FGGY: variants seen among roughly 807,000 people sequenced by gnomAD.
The protein encoded by FGGY is FGGY carbohydrate kinase domain-containing protein.
FGGY carries 72 observed loss-of-function variants against 71.3 expected under a neutral mutation model. The ratio of observed to expected loss-of-function variants is 1.01; its 90% CI spans 0.84 to 1.23. The LOEUF is 1.23. FGGY is among the 50% of genes most tolerant of loss of function. The pLI is 0.00. For missense variants in FGGY, 668 were observed against 682.3 expected, an observed-to-expected ratio of 0.98 and a Z score of 0.23; for synonymous variants, 251 against 250.3, an observed-to-expected ratio of 1.00 and a Z score of -0.02.
At chr1:59,613,941 A>G (rs915458920) in intron 9 of FGGY, among the ~76,000 whole-genome samples, 4 of 152,244 alleles carry the variant, frequency 2.6e-5, no homozygotes, top group African/African-American at 9.6e-5. Context: ...TCCCAAGACT[A>G]AACCAGGAAG....
intron 2 of FGGY, among the ~76,000 whole-genome samples, chr1:59,325,537 C>T (rs997737866): frequency 6.6e-6 from 1 of 152,150 alleles, no homozygotes; most frequent in Non-Finnish European, 1.5e-5. Flanking sequence ...AGATCACTTT[C>T]TACTCCTTAT....
chr1:59,436,351 G>A (rs895959159), intron 5 of FGGY, among the ~76,000 whole-genome samples: 12 of 151,408 alleles, frequency 7.9e-5, no homozygotes, highest in Admixed American at 1.3e-4. Flanking sequence ...TCCTCCCCCC[G>A]CAAACTTCTT....
intron 1 of FGGY, among the ~76,000 whole-genome samples, chr1:59,313,756 G>T (rs1266284484): frequency 6.6e-6 from 1 of 152,184 alleles, no homozygotes. Flanking sequence ...GCTAAGCTAT[G>T]AGGATGCAAA....
intron 6 of FGGY, among the ~76,000 whole-genome samples, chr1:59,463,425 C>T (rs1437157610): frequency 6.6e-6 from 1 of 152,142 alleles, no homozygotes; most frequent in African/African-American, 2.4e-5. Flanking sequence ...TTGTAAAGAC[C>T]ATCGATGCTA....
intron 9 of FGGY, among the ~76,000 whole-genome samples, chr1:59,625,634 A>C (rs1197713547): frequency 6.6e-6 from 1 of 152,104 alleles, no homozygotes; most frequent in African/African-American, 2.4e-5. Context: ...TGATCCAGAA[A>C]AGGTTGGTGC....
chr1:59,509,298 C>T (rs1303525958), intron 6 of FGGY, among the ~76,000 whole-genome samples: 1 of 152,152 alleles, frequency 6.6e-6, no homozygotes, highest in Non-Finnish European at 1.5e-5. Flanking sequence ...AGTGAAGATC[C>T]TTATATTCTC....
intron 5 of FGGY, among the ~76,000 whole-genome samples, chr1:59,428,148 G>A (rs562790038): frequency 6.6e-6 from 1 of 152,188 alleles, no homozygotes; most frequent in Non-Finnish European, 1.5e-5. Context: ...ATGATTCCAA[G>A]TGTCCTGCAA....
chr1:59,698,393 T>G (rs1369995815), intron 14 of FGGY, among the ~76,000 whole-genome samples: 2 of 147,526 alleles, frequency 1.4e-5, no homozygotes, highest in Non-Finnish European at 3.0e-5. Flanking sequence ...GGTCAGTACC[T>G]AGCATTATGC....
chr1:59,338,577 G>A (rs902875317), intron 2 of FGGY, among the ~76,000 whole-genome samples: 3 of 151,928 alleles, frequency 2.0e-5, no homozygotes, highest in Non-Finnish European at 4.4e-5. Context: ...CCAAAATGGT[G>A]GTTTTTGATA....
chr1:59,463,127 C>A (rs1288107991), intron 6 of FGGY, among the ~76,000 whole-genome samples: 1 of 150,720 alleles, frequency 6.6e-6, no homozygotes, highest in Admixed American at 6.6e-5. Flanking sequence ...ACTATGCAGC[C>A]TATACACCAT....
At chr1:59,618,460 A>G (rs754077668) in intron 9 of FGGY, among the ~76,000 whole-genome samples, 1 of 152,090 alleles carries the variant, frequency 6.6e-6, no homozygotes, top group Non-Finnish European at 1.5e-5. Context: ...GATCTTTCCA[A>G]AACTGAATCT....
chr1:59,501,568 G>T (rs927213357), intron 6 of FGGY, among the ~76,000 whole-genome samples: 65 of 152,266 alleles, frequency 4.3e-4, no homozygotes, highest in Non-Finnish European at 1.2e-4. Flanking sequence ...CTGTTTGCAT[G>T]GGTCTTGAAA....
chr1:59,320,119 A>C, intron 1 of FGGY, among the ~76,000 whole-genome samples: 1 of 152,148 alleles, frequency 6.6e-6, no homozygotes, highest in South Asian at 2.1e-4. Context: ...GAACGGAGCA[A>C]ATGTTACTTC....
At chr1:59,413,155 A>T (rs2063850475) in intron 5 of FGGY, among the ~76,000 whole-genome samples, 1 of 152,162 alleles carries the variant, frequency 6.6e-6, no homozygotes, top group South Asian at 2.1e-4. Context: ...CCCCAGGGAC[A>T]TTTTAAGTCC....
intron 14 of FGGY, among the ~76,000 whole-genome samples, chr1:59,695,676 AC>A (rs1471198195): frequency 2.0e-5 from 3 of 152,180 alleles, no homozygotes; most frequent in African/African-American, 7.2e-5. Context: ...TTAGTACAAA[AC>A]CAGGACTTTC....
rs575215717 is a variant in FGGY, at chr1:59,491,782, G to C, written c.671-20529G>C. 5.3e-5 allele frequency among the ~76,000 whole-genome samples: 8 copies of C among 151,918 alleles called. No homozygotes were observed. In the East Asian group the frequency reaches 1.5e-3, roughly 29 times the overall value. ...CCTATTTTAAAAGAGTGGCATGTGA[G>C]AAAAATACAGGAAATAGAGCCCAAT... On this transcript the variant is annotated intron_variant, in intron 6 of 15. Coordinates refer to ENST00000303721, the MANE Select transcript of FGGY (RefSeq NM_018291.5).
chr1:59,719,949 G>T (rs551670289), intron 14 of FGGY, among the ~76,000 whole-genome samples: 1 of 152,136 alleles, frequency 6.6e-6, no homozygotes, highest in Non-Finnish European at 1.5e-5. Context: ...TTGAGAGATC[G>T]ACAATTTACT....
At chr1:59,694,289 A>AAATG (rs1430743524) in intron 14 of FGGY, among the ~76,000 whole-genome samples, 1 of 80,150 alleles carries the variant, frequency 1.2e-5, no homozygotes, top group Non-Finnish European at 2.6e-5. Context: ...ACTCCGTCTT[A>AAATG]AATAAATAAA....
intron 6 of FGGY, among the ~76,000 whole-genome samples, chr1:59,503,976 A>T (rs1396625262): frequency 6.6e-6 from 1 of 152,138 alleles, no homozygotes; most frequent in Non-Finnish European, 1.5e-5. Context: ...AGCCTAGTGG[A>T]AAGAATGCTA....
Sources: allele counts gnomAD v4.1 joint callset (sites outside exome capture counted in the v4.1 genomes callset), GRCh38; gene constraint gnomAD v4.1.1; transcripts MANE v1.5; gene names NCBI Gene and HGNC (gene_info 2026-07-23, HGNC 2026-07-21).